Variants in PRKD3 observed in about 807,000 individuals in gnomAD.
PRKD3 encodes the protein serine/threonine-protein kinase D3.
PRKD3 carries 47 observed loss-of-function variants against 99.2 expected under a neutral mutation model. That is an observed-to-expected ratio of 0.47 (90% CI 0.38 to 0.60). The LOEUF (loss-of-function observed/expected upper bound fraction) is 0.60. Ranked by LOEUF, PRKD3 falls within the 20% of genes least tolerant of loss-of-function variation. The pLI, the probability that PRKD3 is intolerant of heterozygous loss-of-function variation, is 0.00. For missense variants in PRKD3, 1,019 were observed against 1,088.4 expected (o/e 0.94, Z 0.90); for synonymous variants, 392 against 355.4 (o/e 1.10, Z -1.16).
intron 11 of PRKD3, 37 bp from the exon 12 acceptor site, chr2:37,272,469 CAAT>C: frequency 6.4e-7 from 1 of 1,572,272 alleles, no homozygotes; most frequent in Non-Finnish European, 8.6e-7. Flanking sequence ...TAGTATATGA[CAAT>C]ATTATTAATC....
At chr2:37,312,067 T>C (rs1671450394) in intron 2 of PRKD3, among the ~76,000 whole-genome samples, 3 of 152,236 alleles carry the variant, frequency 2.0e-5, no homozygotes, top group Admixed American at 2.0e-4. Flanking sequence ...TTTTTTTCTT[T>C]TTCCATAAAT....
intron 1 of PRKD3, among the ~76,000 whole-genome samples, chr2:37,320,883 T>C: frequency 6.6e-6 from 1 of 152,222 alleles, no homozygotes; most frequent in East Asian, 1.9e-4. Flanking sequence ...TAAAAATGAT[T>C]TTTAAAAGTC....
chr2:37,262,060 G>A (rs558173023), intron 14 of PRKD3, among the ~76,000 whole-genome samples: 2 of 152,234 alleles, frequency 1.3e-5, no homozygotes, highest in Admixed American at 1.3e-4. Flanking sequence ...TGTTCAGGAG[G>A]TATTTTTATC....
intron 14 of PRKD3, among the ~76,000 whole-genome samples, chr2:37,265,763 T>C (rs963133670): frequency 6.6e-6 from 1 of 152,212 alleles, no homozygotes; most frequent in South Asian, 2.1e-4. Flanking sequence ...AGAGACATCC[T>C]ACAATCTATT....
At position 37,267,437 on chromosome 2, in the gene PRKD3, A is replaced by G; in HGVS notation, c.1877T>C (p.Ile626Thr). 1 of 1,588,162 alleles carries G rather than the reference A, an allele frequency of 6.3e-7. No individual in the cohort carries two copies. Among genetic ancestry groups the G allele is most frequent in the Non-Finnish European group, 8.6e-7 (1 of 1,163,108 alleles). ...TTTATTTTTTATTTTTACCTGTAAAATAGCCACTTCATTACGGAGTTGACT... is the reference window on the plus strand; with the variant it reads ...TTTATTTTTTATTTTTACCTGTAAAGTAGCCACTTCATTACGGAGTTGACT... ...QESQLRNEVA[I>T]LQNLHHPGIV... Residue 626 changes from isoleucine to threonine, a missense_variant, in exon 14 of 19, where the codon ATT (isoleucine) becomes ACT (threonine). By Grantham distance (89) the Ile-to-Thr change is moderately conservative. This residue lies in a region of PRKD3 where 184 missense variants were observed against 275.1 expected (regional missense o/e 0.67). Transcript: ENST00000234179.
intron 12 of PRKD3, 56 bp from the exon 13 acceptor site, chr2:37,269,743 A>G: frequency 8.0e-7 from 1 of 1,246,672 alleles, no homozygotes; most frequent in Non-Finnish European, 1.1e-6. Flanking sequence ...CAATGTCAAC[A>G]TCTCTGACTT....
chr2:37,281,204 T>C (rs1257030062), intron 7 of PRKD3, among the ~76,000 whole-genome samples: 4 of 152,170 alleles, frequency 2.6e-5, no homozygotes, highest in African/African-American at 7.2e-5. Flanking sequence ...AACATCTCAC[T>C]AGTAATCAAA....
Position 37,252,992 on chromosome 2 carries a change from T to G in PRKD3, c.*185A>C, listed in dbSNP as rs1455627418. 2.1e-6 allele frequency: 1 copy of G among 475,210 alleles called. No homozygotes were observed. Among genetic ancestry groups the G allele is most frequent in the African/African-American group, 2.0e-5 (1 of 49,604 alleles). 29.4% of individuals were successfully genotyped at this position (475,210 alleles called of 1,614,324 possible). A position where few individuals can be genotyped will look rare whatever the true frequency, so the allele number is the denominator to read the frequency against. On this transcript the variant is annotated 3_prime_UTR_variant, in exon 19 of 19. Transcript: ENST00000234179. ...AGCTTCACCTTGATTCCATTATGAC[T>G]TCTTATTATTCAGTTTCCCGCCTGT... is the stretch of plus-strand genomic sequence containing the variant.
chr2:37,290,941 G>A lies in PRKD3; in HGVS notation c.486C>T (p.Tyr162=), dbSNP rs1558560579. The change falls in exon 4 of 19, where the codon TAC becomes TAT. Residue 162 remains tyrosine, a synonymous_variant. Coordinates refer to ENST00000234179, the MANE Select transcript of PRKD3 (RefSeq NM_005813.6). ...IRPHTLYVHS[Y]KAPTFCDYCG... ...AGTAATCACAGAAAGTAGGAGCTTT[G>A]TAAGAATGTACATAGAGAGTATGTG... is the stretch of plus-strand genomic sequence containing the variant. 6.2e-7 allele frequency: 1 copy of A among 1,606,404 alleles called. No individual in the cohort carries two copies. Among genetic ancestry groups the A allele is most frequent in the Non-Finnish European group, 8.5e-7 (1 of 1,172,932 alleles).
chr2:37,270,497 T>C (rs779336076), intron 12 of PRKD3, among the ~76,000 whole-genome samples: 3 of 152,088 alleles, frequency 2.0e-5, no homozygotes, highest in Non-Finnish European at 2.9e-5. Context: ...CCCTTCCCTT[T>C]TTTTTTCTTC....
chr2:37,259,989 A>ACC (rs1281067898), intron 15 of PRKD3, among the ~76,000 whole-genome samples: 3 of 152,054 alleles, frequency 2.0e-5, no homozygotes, highest in African/African-American at 7.2e-5. Flanking sequence ...ACACGGTGAA[A>ACC]CCCCAGCTCT....
intron 2 of PRKD3, among the ~76,000 whole-genome samples, chr2:37,295,835 A>G (rs918497725): frequency 6.6e-6 from 1 of 152,256 alleles, no homozygotes; most frequent in Admixed American, 6.5e-5. Flanking sequence ...TGTATTTTAA[A>G]AAGATAATGC....
rs1015967565 is a variant in PRKD3, at chr2:37,254,082, A to T, written c.2499+122T>A. ...TTTCCAGAGATTCAGCCATAGTACA[A>T]ATTAATCACTTAAGAGCACTTTTAT... On this transcript the variant is annotated intron_variant, in intron 18 of 18. Transcript: ENST00000234179. 55 of 709,902 alleles carry T rather than the reference A, an allele frequency of 7.7e-5. 1 individual carries two copies. The highest frequency in any genetic ancestry group is 1.2e-4 in the Non-Finnish European group (50 of 408,494). 44.0% of individuals were successfully genotyped at this position (709,902 alleles called of 1,614,324 possible).
chr2:37,250,768 A>ATTT lies in PRKD3; in HGVS notation c.*2408_*2409insAAA. On this transcript the variant is annotated 3_prime_UTR_variant, in exon 19 of 19. Transcript: ENST00000234179. ...CCAGTATATTTACAAAAAGTTGGAT[A>ATTT]TAACCAAAAAAATATTAAAAATGTA... is the stretch of plus-strand genomic sequence containing the variant. The ATTT allele has an allele frequency of 6.6e-6, 1 of 151,018 alleles. No homozygotes were observed. The highest frequency in any genetic ancestry group is 6.6e-5 in the Admixed American group (1 of 15,246). 9.4% of individuals were successfully genotyped at this position (151,018 alleles called of 1,614,324 possible).
intron 4 of PRKD3, among the ~76,000 whole-genome samples, chr2:37,290,184 G>C (rs930798643): frequency 7.2e-5 from 11 of 152,048 alleles, no homozygotes; most frequent in African/African-American, 2.4e-4. Flanking sequence ...CCTACTCCTA[G>C]CAATTCTAAT....
At chr2:37,319,981 T>A (rs912795112) in intron 1 of PRKD3, among the ~76,000 whole-genome samples, 1 of 152,206 alleles carries the variant, frequency 6.6e-6, no homozygotes, top group Non-Finnish European at 1.5e-5. Context: ...GTACAAACTA[T>A]CTGTAACAAC....
Position 37,317,143 on chromosome 2 carries a change from A to G in PRKD3, c.-619T>C, listed in dbSNP as rs932334380. On this transcript the variant is annotated 5_prime_UTR_variant, in exon 2 of 19. The change abolishes an upstream ATG in the 5' untranslated region. Coordinates refer to ENST00000234179, the MANE Select transcript of PRKD3 (RefSeq NM_005813.6). ...CATATTTCATTAGATGAATGGGTCC[A>G]TCGAGAAAAGCTGATGCTTTCTGAC... 15 of 985,236 alleles carry G rather than the reference A, an allele frequency of 1.5e-5. No individual in the cohort carries two copies. The highest frequency in any genetic ancestry group is 1.7e-5 in the African/African-American group (1 of 57,264). The allele number at this position is 985,236 out of a possible 1,614,324, so 61.0% of individuals were successfully genotyped here. A position where few individuals can be genotyped will look rare whatever the true frequency, so the allele number is the denominator to read the frequency against.
At chr2:37,304,127 A>C (rs747389003) in intron 2 of PRKD3, among the ~76,000 whole-genome samples, 4 of 151,570 alleles carry the variant, frequency 2.6e-5, no homozygotes, top group Non-Finnish European at 5.9e-5. Context: ...AAGCTCCATG[A>C]GGAAAAGAAT....
At chr2:37,310,702 G>GA (rs1052558651) in intron 2 of PRKD3, among the ~76,000 whole-genome samples, 19 of 152,126 alleles carry the variant, frequency 1.2e-4, no homozygotes, top group Non-Finnish European at 2.1e-4. Context: ...CATCCATACA[G>GA]AAAAAAACTT....
Sources: allele counts gnomAD v4.1 joint callset (sites outside exome capture counted in the v4.1 genomes callset), GRCh38; gene constraint gnomAD v4.1.1; regional missense constraint gnomAD v4.1.1; transcripts MANE v1.5; gene names NCBI Gene and HGNC (gene_info 2026-07-23, HGNC 2026-07-21).